Variants in TRPC5 observed in about 807,000 individuals in gnomAD.
TRPC5 encodes short transient receptor potential channel 5.
Under a neutral mutation model 56.5 loss-of-function variants are expected in TRPC5, and 9 were observed. The ratio of observed to expected loss-of-function variants is 0.16; its 90% confidence interval spans 0.10 to 0.28. TRPC5 has a LOEUF of 0.28. Among genes scored for constraint, TRPC5 ranks in the 10% least tolerant of loss-of-function variants. The pLI, the probability that TRPC5 is intolerant of heterozygous loss-of-function variation, is 1.00. For missense variants in TRPC5, 469 were observed against 748.9 expected (o/e 0.63, Z 4.36); for synonymous variants, 282 against 278.5 (o/e 1.01, Z -0.13).
At chrX:111,960,635 G>T (rs1250883697) in intron 1 of TRPC5, among the ~76,000 whole-genome samples, 2 of 110,884 alleles carry the variant, frequency 1.8e-5, no homozygotes, top group African/African-American at 6.6e-5. Context: ...TACTAGTCTT[G>T]GATTGTCTTT....
intron 1 of TRPC5, among the ~76,000 whole-genome samples, chrX:112,059,633 A>C (rs893131460): frequency 2.7e-5 from 3 of 111,835 alleles, no homozygotes; most frequent in African/African-American, 9.8e-5. Flanking sequence ...TGATAACCCC[A>C]AATCTCCACA....
At chrX:111,954,018 G>T (rs912319035) in intron 1 of TRPC5, among the ~76,000 whole-genome samples, 21 of 111,739 alleles carry the variant, frequency 1.9e-4, no homozygotes, top group African/African-American at 6.5e-4. Flanking sequence ...AAGAGAAGAG[G>T]GTGCTGTTTC....
At chrX:111,963,274 G>A (rs758811281) in intron 1 of TRPC5, among the ~76,000 whole-genome samples, 112 of 112,546 alleles carry the variant, frequency 1.0e-3, no homozygotes, top group African/African-American at 3.3e-3. Context: ...TGAGGCTGGG[G>A]GAGGGGCGCC....
intron 1 of TRPC5, among the ~76,000 whole-genome samples, chrX:112,048,761 C>T (rs956448835): frequency 1.8e-5 from 2 of 112,256 alleles, no homozygotes; most frequent in Non-Finnish European, 3.8e-5. Flanking sequence ...AATTTTTTCT[C>T]CTGTTTGCTT....
chrX:111,971,856 A>T (rs1166658072), intron 1 of TRPC5, among the ~76,000 whole-genome samples: 1 of 111,730 alleles, frequency 9.0e-6, no homozygotes. Flanking sequence ...TGTAAGTTTA[A>T]TTTAATTTCT....
At chrX:111,957,741 C>G (rs1379602856) in intron 1 of TRPC5, among the ~76,000 whole-genome samples, 3 of 112,112 alleles carry the variant, frequency 2.7e-5, no homozygotes, top group Non-Finnish European at 5.6e-5. Context: ...ATTTGTCACG[C>G]CCAGAGCACT....
chrX:111,906,965 T>C (rs1925648648), intron 3 of TRPC5, among the ~76,000 whole-genome samples: 1 of 111,216 alleles, frequency 9.0e-6, no homozygotes, highest in African/African-American at 3.3e-5. Context: ...TTATTAAGCA[T>C]GGAATCAAGT....
Position 111,900,973 on chromosome X carries a change from G to T in TRPC5, c.900+11318C>A, listed in dbSNP as rs749156463. ...TGCAAAGCCCACTAGACACGCAGAT[G>T]AAAATAGTACAACCATGGCTTTAGA... is the stretch of plus-strand genomic sequence containing the variant. On this transcript the variant is annotated intron_variant, in intron 3 of 10. Coordinates refer to ENST00000262839, the MANE Select transcript of TRPC5 (RefSeq NM_012471.3). Among the ~76,000 whole-genome samples, 3 of 111,261 alleles carry T rather than the reference G, an allele frequency of 2.7e-5. No homozygotes were observed. The Admixed American group carries it at 2.9e-4, about 11-fold the overall frequency.
intron 1 of TRPC5, among the ~76,000 whole-genome samples, chrX:112,014,336 A>G (rs1489165614): frequency 1.8e-5 from 2 of 112,615 alleles, no homozygotes; most frequent in Non-Finnish European, 3.7e-5. Context: ...TGTATCTGAC[A>G]TTATGCCTTT....
rs1001737069 is a variant in TRPC5, at chrX:112,059,200, C to A, written c.-22+22679G>T. ...ATGGTGAAATGAGAACCCCAATTCA[C>A]CACCCACATCTTGCATTGCCACTCC... On this transcript the variant is annotated intron_variant, in intron 1 of 10. Coordinates refer to ENST00000262839, the MANE Select transcript of TRPC5 (RefSeq NM_012471.3). 4.7e-4 allele frequency among the ~76,000 whole-genome samples: 53 copies of A among 111,764 alleles called. 1 individual carries two copies. The highest frequency in any genetic ancestry group is 1.7e-3 in the African/African-American group (52 of 30,811).
At chrX:111,799,077 G>T (rs773689743) in intron 7 of TRPC5, among the ~76,000 whole-genome samples, 132 of 111,092 alleles carry the variant, frequency 1.2e-3, no homozygotes, top group Non-Finnish European at 2.0e-3. Flanking sequence ...CTGTTCTTGG[G>T]GGGGAAATGC....
intron 2 of TRPC5, among the ~76,000 whole-genome samples, chrX:111,939,858 C>A: frequency 9.0e-6 from 1 of 110,886 alleles, no homozygotes; most frequent in Non-Finnish European, 1.9e-5. Context: ...ATTTCATTGA[C>A]CTTTTCTATT....
At chrX:111,967,374 G>T (rs1477591400) in intron 1 of TRPC5, among the ~76,000 whole-genome samples, 3 of 110,867 alleles carry the variant, frequency 2.7e-5, no homozygotes, top group Non-Finnish European at 3.8e-5. Context: ...TGGGTAGGAA[G>T]AATCAATATC....
Position 111,775,177 on chromosome X carries a change from A to C in TRPC5, c.*1136T>G, listed in dbSNP as rs1021629144. On this transcript the variant is annotated 3_prime_UTR_variant, in exon 11 of 11. Transcript: ENST00000262839. Reference sequence around the variant, plus strand: ...ATCCACTAGGGTTGTTATGATATATATCTAACATAATTTACACATGCAATT... The same window carrying C: ...ATCCACTAGGGTTGTTATGATATATCTCTAACATAATTTACACATGCAATT... 1 of 111,821 alleles carries C rather than the reference A, an allele frequency of 8.9e-6. No homozygotes were observed. Among genetic ancestry groups the C allele is most frequent in the African/African-American group, 3.3e-5 (1 of 30,701 alleles). 9.2% of individuals were successfully genotyped at this position (111,821 alleles called of 1,213,427 possible).
At chrX:112,051,772 A>G (rs1930218886) in intron 1 of TRPC5, among the ~76,000 whole-genome samples, 1 of 110,665 alleles carries the variant, frequency 9.0e-6, no homozygotes, top group African/African-American at 3.3e-5. Context: ...CCATTAAACA[A>G]CCTCCCATTT....
intron 1 of TRPC5, among the ~76,000 whole-genome samples, chrX:112,012,303 T>A (rs983469148): frequency 6.2e-5 from 7 of 112,335 alleles, no homozygotes; most frequent in African/African-American, 2.3e-4. Flanking sequence ...TGATTCCACC[T>A]ACCATTTCTT....
intron 3 of TRPC5, among the ~76,000 whole-genome samples, chrX:111,856,075 G>A (rs1923218703): frequency 1.8e-5 from 2 of 111,395 alleles, no homozygotes; most frequent in Non-Finnish European, 3.8e-5. Context: ...AGAGCAGAGA[G>A]GATCGCATGG....
intron 2 of TRPC5, among the ~76,000 whole-genome samples, chrX:111,941,870 T>C (rs1398414680): frequency 8.9e-6 from 1 of 112,132 alleles, no homozygotes; most frequent in Non-Finnish European, 1.9e-5. Context: ...CTCCCTAAAC[T>C]GGGCTCAGTG....
rs979670856 is a variant in TRPC5 at position 111,776,212 on chromosome X, G to A, written c.*101C>T. 2 of 804,465 alleles carry A rather than the reference G, an allele frequency of 2.5e-6. No homozygotes were observed. Among genetic ancestry groups the A allele is most frequent in the Middle Eastern group, 4.7e-4 (1 of 2,134 alleles). 66.3% of individuals were successfully genotyped at this position (804,465 alleles called of 1,213,427 possible). On this transcript the variant is annotated 3_prime_UTR_variant, in exon 11 of 11. Coordinates refer to ENST00000262839, the MANE Select transcript of TRPC5 (RefSeq NM_012471.3). ...AAATAAGAGTTTCACTCTCCTTTCT[G>A]GGGGGCAGGGGCAGTGAGGGAATCA...
Sources: gnomAD v4.1 joint callset for allele counts (sites outside exome capture counted in the v4.1 genomes callset) on GRCh38, gnomAD v4.1.1 for gene constraint, MANE v1.5 for transcripts, NCBI Gene and HGNC (gene_info 2026-07-23, HGNC 2026-07-21) for gene names.